Variants in NAA11 observed in about 807,000 individuals in gnomAD.
NAA11 encodes N-alpha-acetyltransferase 11, NatA catalytic subunit.
Under a neutral mutation model 16.1 loss-of-function variants are expected in NAA11, and 15 were observed. The observed-to-expected ratio is 0.93, with a 90% CI of 0.62 to 1.44. The LOEUF (loss-of-function observed/expected upper bound fraction) is 1.44, where lower values mean the gene tolerates loss of function less well. Ranked by LOEUF, NAA11 falls within the 40% of genes most tolerant of loss-of-function variation. NAA11 has a pLI of 0.00. For missense variants in NAA11, 298 were observed against 291.3 expected, an observed-to-expected ratio of 1.02 and a Z score of -0.17; for synonymous variants, 122 against 112.4, an observed-to-expected ratio of 1.09 and a Z score of -0.54.
At chr4:79,296,362 C>A (rs1370980307) in intron 1 of NAA11, among the ~76,000 whole-genome samples, 1 of 152,196 alleles carries the variant, frequency 6.6e-6, no homozygotes, top group East Asian at 1.9e-4. Context: ...AACCAATAAG[C>A]CATTCTTGAC....
intron 2 of NAA11, among the ~76,000 whole-genome samples, chr4:79,279,527 T>A (rs1339477044): frequency 6.6e-6 from 1 of 151,990 alleles, no homozygotes; most frequent in African/African-American, 2.4e-5. Context: ...AAAGCAAACA[T>A]AGTAACTAAG....
At chr4:79,254,190 A>G (rs1462500202) in intron 2 of NAA11, among the ~76,000 whole-genome samples, 1 of 152,228 alleles carries the variant, frequency 6.6e-6, no homozygotes, top group Non-Finnish European at 1.5e-5. Context: ...ACATCTTTCA[A>G]GAGGGAAGCA....
chr4:79,276,803 T>C (rs764984206), intron 2 of NAA11, among the ~76,000 whole-genome samples: 1 of 152,134 alleles, frequency 6.6e-6, no homozygotes, highest in Non-Finnish European at 1.5e-5. Flanking sequence ...TTAGACGCAA[T>C]TGGAGTCCCA....
At chr4:79,306,040 T>A (rs1390052092) in intron 1 of NAA11, among the ~76,000 whole-genome samples, 1 of 152,170 alleles carries the variant, frequency 6.6e-6, no homozygotes, top group Non-Finnish European at 1.5e-5. Flanking sequence ...CATTTCACTC[T>A]TCTTAATAGA....
chr4:79,263,236 G>A, intron 2 of NAA11, among the ~76,000 whole-genome samples: 1 of 152,150 alleles, frequency 6.6e-6, no homozygotes, highest in East Asian at 1.9e-4. Flanking sequence ...TACAAGATAT[G>A]GATGACATTT....
At chr4:79,250,940 A>G (rs1721980170) in intron 2 of NAA11, among the ~76,000 whole-genome samples, 1 of 152,240 alleles carries the variant, frequency 6.6e-6, no homozygotes, top group African/African-American at 2.4e-5. Flanking sequence ...CACTAGTCAG[A>G]ATGGCTATAA....
rs1366997787 is a variant in NAA11 at position 79,303,393 on chromosome 4, A to G, written c.*13-9279T>C. 2.6e-5 allele frequency among the ~76,000 whole-genome samples: 4 copies of G among 152,068 alleles called. No individual in the cohort carries two copies. In the East Asian group the frequency reaches 5.8e-4, roughly 22 times the overall value. On this transcript the variant is annotated intron_variant and NMD_transcript_variant, in intron 1 of 2. Transcript: ENST00000511542. The stretch of plus-strand genomic sequence containing the variant: ...GGAGTGCAGTGGCATAATCATGATC[A>G]CTGCAGCCTCAAACTCCAAGGAAGC...
At chr4:79,296,948 G>C (rs1022396214) in intron 1 of NAA11, among the ~76,000 whole-genome samples, 1 of 152,208 alleles carries the variant, frequency 6.6e-6, no homozygotes, top group Non-Finnish European at 1.5e-5. Flanking sequence ...AGCAGCTGCT[G>C]TCATCAGGGA....
the NAA11 span, among the ~76,000 whole-genome samples, chr4:79,178,256 G>T: frequency 6.6e-6 from 1 of 152,152 alleles, no homozygotes; most frequent in Non-Finnish European, 1.5e-5. Context: ...TGCAAAATAG[G>T]TGATACGAGT....
At position 79,326,039 on chromosome 4, in the gene NAA11, G is replaced by A; in HGVS notation, c.-162C>T. The A allele has an allele frequency of 1.6e-6, 1 of 626,540 alleles. No homozygotes were observed. The highest frequency in any genetic ancestry group is 2.1e-5 in the South Asian group (1 of 47,526). 38.8% of individuals were successfully genotyped at this position (626,540 alleles called of 1,614,324 possible). On this transcript the variant is annotated 5_prime_UTR_variant, in exon 1 of 2. Transcript: ENST00000286794. ...TGGCGGGAAGGCGGAAGGAGCAGGA[G>A]ATGGAAAAGATGGTGCCAAACTGCG...
the NAA11 span, among the ~76,000 whole-genome samples, chr4:79,208,873 C>T: frequency 1.8e-5 from 2 of 114,234 alleles, no homozygotes; most frequent in South Asian, 5.9e-4. Flanking sequence ...TAAATTCCCC[C>T]AAATCTGGAG....
the NAA11 span, among the ~76,000 whole-genome samples, chr4:79,165,002 A>G: frequency 6.6e-6 from 1 of 152,204 alleles, no homozygotes; most frequent in South Asian, 2.1e-4. Flanking sequence ...ACACGGAGGG[A>G]ACACTCACAG....
chr4:79,316,522 T>C (rs1723932721), downstream of NAA11: 1 of 152,178 alleles, frequency 6.6e-6, no homozygotes, highest in Non-Finnish European at 1.5e-5. Context: ...TGTCACCAGA[T>C]AAAGTCCAGG....
intron 1 of NAA11, among the ~76,000 whole-genome samples, chr4:79,319,803 T>C (rs1724038030): frequency 6.6e-6 from 1 of 152,238 alleles, no homozygotes; most frequent in African/African-American, 2.4e-5. Context: ...AAGGTTATAC[T>C]ACGAATTTAC....
intron 2 of NAA11, among the ~76,000 whole-genome samples, chr4:79,242,256 CCTT>C (rs1721714278): frequency 1.3e-5 from 1 of 76,430 alleles, no homozygotes; most frequent in African/African-American, 3.5e-5. Flanking sequence ...AGGGGGATAT[CCTT>C]CTTGTTAGTT....
At chr4:79,230,847 C>A (rs1468495310) in intron 2 of NAA11, among the ~76,000 whole-genome samples, 3 of 151,898 alleles carry the variant, frequency 2.0e-5, no homozygotes, top group Non-Finnish European at 4.4e-5. Context: ...TATTTAATAG[C>A]CCCAGATCCA....
intron 2 of NAA11, among the ~76,000 whole-genome samples, chr4:79,291,158 A>G (rs989164121): frequency 1.3e-5 from 2 of 152,186 alleles, no homozygotes; most frequent in African/African-American, 2.4e-5. Context: ...AAGAGCGTGT[A>G]CAGCACCATA....
intron 1 of NAA11, among the ~76,000 whole-genome samples, chr4:79,309,671 T>C (rs147037924): frequency 6.6e-6 from 1 of 151,864 alleles, no homozygotes; most frequent in African/African-American, 2.4e-5. Context: ...GTAGTATTTA[T>C]TGTTTGAAAA....
rs1484146 is a variant in NAA11, at chr4:79,302,077, C to T, written c.*13-7963G>A. On this transcript the variant is annotated intron_variant and NMD_transcript_variant, in intron 1 of 2. Transcript: ENST00000511542. The stretch of plus-strand genomic sequence containing the variant: ...ATACATAAATAATTTTAAGAAATGA[C>T]ATATGGAATATTTTGAGAGTATAAA... Among the ~76,000 whole-genome samples the T allele has an allele frequency of 5.9e-3, 898 of 152,154 alleles. 6 individuals carry two copies. The highest frequency in any genetic ancestry group is 0.021 in the African/African-American group (855 of 41,494).
Sources: allele counts gnomAD v4.1 joint callset (sites outside exome capture counted in the v4.1 genomes callset), GRCh38; gene constraint gnomAD v4.1.1; transcripts MANE v1.5; gene names NCBI Gene and HGNC (gene_info 2026-07-23, HGNC 2026-07-21).